The following CENPM variants were observed in gnomAD, a reference collection of about 807,000 sequenced individuals.
The protein encoded by CENPM is centromere protein M.
In CENPM, 14 loss-of-function variants were observed where a neutral mutation model predicts 19.6. The observed-to-expected ratio is 0.71, with a 90% confidence interval of 0.47 to 1.11. The LOEUF (loss-of-function observed/expected upper bound fraction) is 1.11. Ranked by LOEUF, CENPM falls within the 50% of genes most tolerant of loss-of-function variation. The probability of loss-of-function intolerance (pLI) is 0.00; values close to 1 mark genes in which losing one functional copy is unlikely to be tolerated. For missense variants in CENPM, 239 were observed against 228.4 expected (o/e 1.05, Z -0.30); for synonymous variants, 114 against 101.5 (o/e 1.12, Z -0.74).
At chr22:41,928,814 C>G in the CENPM span, among the ~76,000 whole-genome samples, 2 of 152,156 alleles carry the variant, frequency 1.3e-5, no homozygotes, top group African/African-American at 2.4e-5. The surrounding 1 kb of genome is among the most constrained non-coding windows in gnomAD (Gnocchi z 4.0). Flanking sequence ...CTGCAAGGGT[C>G]CCTCTCTCTG....
In CENPM at chr22:41,946,458, C is replaced by T. The variant is rs34730141; in HGVS notation, c.96G>A (p.Ala32=). The T allele has an allele frequency of 3.0e-3, 4,826 of 1,613,128 alleles. 114 individuals carry two copies. The African/African-American group carries it at 0.049, about 16-fold the overall frequency. Residue 32 remains alanine, a synonymous_variant, in exon 2 of 6, where the codon GCG becomes GCA. Coordinates refer to ENST00000215980, the MANE Select transcript of CENPM (RefSeq NM_024053.5). ...CGCAGTCCTCTTTGAGCATCGAGTC[C>T]GCCAGCTGCTGCAGAAGAGCATCCT... ...GTEDALLQQL[A]DSMLKEDCAS... is the part of the protein sequence containing the mutation.
chr22:41,942,659 G>C (rs2077752140), intron 5 of CENPM, among the ~76,000 whole-genome samples: 1 of 151,736 alleles, frequency 6.6e-6, no homozygotes, highest in Non-Finnish European at 1.5e-5. Flanking sequence ...GCTGAGGCAG[G>C]AGAATGGCGT....
chr22:41,946,566 G>C (rs1050913052), intron 1 of CENPM, 70 bp from the exon 2 acceptor site: 5 of 1,323,298 alleles, frequency 3.8e-6, no homozygotes, highest in South Asian at 3.7e-5. Context: ...CTGGCCCTTC[G>C]ACCCACTCCC....
At chr22:41,935,816 G>A (rs562026439), downstream of CENPM, among the ~76,000 whole-genome samples, 3 of 152,110 alleles carry the variant, frequency 2.0e-5, no homozygotes, top group Non-Finnish European at 4.4e-5. Context: ...TGGAGCACAC[G>A]GGCTGTCTCC....
At chr22:41,932,508 T>C in the CENPM span, among the ~76,000 whole-genome samples, 1 of 152,228 alleles carries the variant, frequency 6.6e-6, no homozygotes, top group Admixed American at 6.5e-5. The surrounding 1 kb of genome is among the most constrained non-coding windows in gnomAD (Gnocchi z 4.3). Flanking sequence ...TGGGTCTTCA[T>C]GGGCTGGAGC....
Position 41,943,666 on chromosome 22 carries a change from T to C in CENPM, c.346A>G (p.Thr116Ala). 2 of 1,613,814 alleles carry C rather than the reference T, an allele frequency of 1.2e-6. No homozygotes were observed. The highest frequency in any genetic ancestry group is 1.7e-6 in the Non-Finnish European group (2 of 1,179,918). ...TAGGTGTGGGCCAGCTTCACCACGG[T>C]GTGCCGGTGAATGCTGCAGTGGCTC... ...RESHCSIHRH[T>A]VVKLAHTYQS... Residue 116 changes from threonine (T) to alanine (A), a missense_variant, in exon 5 of 6, where the codon ACC (threonine) becomes GCC (alanine). Coordinates refer to ENST00000215980, the MANE Select transcript of CENPM (RefSeq NM_024053.5).
chr22:41,945,447 A>ATTTTTTTT, intron 3 of CENPM, 143 bp from the exon 4 acceptor site: 2 of 1,099,744 alleles, frequency 1.8e-6, no homozygotes, highest in Non-Finnish European at 2.4e-6. Context: ...TTGTCCTTTA[A>ATTTTTTTT]TTTTTTTTTT....
chr22:41,940,834 G>C, intron 5 of CENPM, among the ~76,000 whole-genome samples: 1 of 152,124 alleles, frequency 6.6e-6, no homozygotes, highest in Non-Finnish European at 1.5e-5. Flanking sequence ...GCTGAGGCTT[G>C]GGTTCCACAA....
At chr22:41,940,536 C>T (rs900072064) in intron 5 of CENPM, among the ~76,000 whole-genome samples, 2 of 152,154 alleles carry the variant, frequency 1.3e-5, no homozygotes, top group African/African-American at 4.8e-5. Flanking sequence ...CAGGTGTGTG[C>T]CACCATGCCC....
At chr22:41,941,387 G>GGGAACCAGGCT (rs1348981892) in intron 5 of CENPM, among the ~76,000 whole-genome samples, 1 of 152,162 alleles carries the variant, frequency 6.6e-6, no homozygotes, top group African/African-American at 2.4e-5. Context: ...CTGCTGCGGC[G>GGGAACCAGGCT]GGAACCAGGC....
At chr22:41,946,942 A>G (rs921263189) in intron 1 of CENPM, 78 bp downstream of exon 1, 7 of 1,452,168 alleles carry the variant, frequency 4.8e-6, no homozygotes, top group African/African-American at 2.8e-5. Flanking sequence ...GGCGCCTCAG[A>G]GAGCTCAGTT....
At chr22:41,940,201 G>T (rs753638587) in intron 5 of CENPM, 2 of 757,276 alleles carry the variant, frequency 2.6e-6, no homozygotes, top group East Asian at 2.5e-5. Context: ...CTTCCACGAG[G>T]TATCTCCGTG....
intron 1 of CENPM, chr22:41,946,782 G>A (rs934459226): frequency 1.7e-6 from 1 of 602,222 alleles, no homozygotes. Flanking sequence ...TTCCAGGCGC[G>A]GGAACTCGCC....
chr22:41,946,439 C>T lies in CENPM; in HGVS notation c.115G>A (p.Asp39Asn). The change falls in exon 2 of 6, where the codon GAC becomes AAC. Residue 39 changes from aspartate to asparagine, a missense_variant. Coordinates refer to ENST00000215980, the MANE Select transcript of CENPM (RefSeq NM_024053.5). ...TACACCTTCAGCTCGGAGGCGCAGT[C>T]CTCTTTGAGCATCGAGTCCGCCAGC... is the stretch of plus-strand genomic sequence containing the variant. ...QQLADSMLKE[D>N]CASELKVHLA... 7 of 1,613,026 alleles carry T rather than the reference C, an allele frequency of 4.3e-6. No homozygotes were observed. Among genetic ancestry groups the T allele is most frequent in the Non-Finnish European group, 5.9e-6 (7 of 1,179,976 alleles).
chr22:41,932,529 C>A, the CENPM span, among the ~76,000 whole-genome samples: 29 of 152,350 alleles, frequency 1.9e-4, no homozygotes, highest in African/African-American at 5.3e-4. The surrounding 1 kb of genome is among the most constrained non-coding windows in gnomAD (Gnocchi z 4.3). Context: ...TGCCTGTCAT[C>A]CAGCCCGCCA....
At chr22:41,930,022 C>T in the CENPM span, among the ~76,000 whole-genome samples, 2 of 143,510 alleles carry the variant, frequency 1.4e-5, no homozygotes, top group Admixed American at 7.1e-5. Flanking sequence ...CCGCTCACTG[C>T]AAGCTCCGCC....
chr22:41,932,395 C>G, the CENPM span, among the ~76,000 whole-genome samples: 2 of 152,174 alleles, frequency 1.3e-5, no homozygotes, highest in South Asian at 2.1e-4. This position sits in a 1 kb window ranked among gnomAD's most constrained non-coding sequence, Gnocchi z 4.3. Flanking sequence ...GCAGTGTGAC[C>G]CAGAGGCAGA....
intron 3 of CENPM, 55 bp from the exon 4 acceptor site, chr22:41,945,359 G>A (rs73165153): frequency 0.074 from 119,608 of 1,607,130 alleles, 4,701 homozygotes; most frequent in Non-Finnish European, 0.08. Flanking sequence ...ACTTTACAAC[G>A]GAGAAAGCAG....
chr22:41,940,422 G>A (rs2077729353), intron 5 of CENPM, among the ~76,000 whole-genome samples: 1 of 152,128 alleles, frequency 6.6e-6, no homozygotes, highest in African/African-American at 2.4e-5. Flanking sequence ...GTCTCGCTTT[G>A]TCACCCAGGC....
Sources: gnomAD v4.1 joint callset for allele counts (sites outside exome capture counted in the v4.1 genomes callset) on GRCh38, gnomAD v4.1.1 for gene constraint, Gnocchi (gnomAD v3.1) non-coding constraint, MANE v1.5 for transcripts, NCBI Gene and HGNC (gene_info 2026-07-23, HGNC 2026-07-21) for gene names.